The following ARHGEF26 variants were observed in gnomAD, a reference collection of about 807,000 sequenced individuals.
ARHGEF26 encodes the protein Rho guanine nucleotide exchange factor (GEF) 26.
ARHGEF26 carries 59 observed loss-of-function variants against 89.4 expected under a neutral mutation model. That is an observed-to-expected ratio of 0.66 (90% CI 0.54 to 0.82). The LOEUF is 0.82. Ranked by LOEUF, ARHGEF26 falls within the 40% of genes least tolerant of loss-of-function variation. The pLI, the probability that ARHGEF26 is intolerant of heterozygous loss-of-function variation, is 0.00. For missense variants in ARHGEF26, 1,234 were observed against 1,085.6 expected (o/e 1.14, Z -1.92); for synonymous variants, 500 against 428.4 (o/e 1.17, Z -2.06).
chr3:154,137,359 G>T (rs985393146), intron 4 of ARHGEF26, among the ~76,000 whole-genome samples: 11 of 152,086 alleles, frequency 7.2e-5, no homozygotes, highest in African/African-American at 2.7e-4. Flanking sequence ...TGTCCCCACC[G>T]GCAAGAAGGC....
At chr3:154,129,745 T>A (rs372771888) in intron 4 of ARHGEF26, 26 bp downstream of exon 4, 16 of 1,582,442 alleles carry the variant, frequency 1.0e-5, no homozygotes, top group East Asian at 2.2e-5. Flanking sequence ...CTTTTCTATC[T>A]GTGGTAGGAA....
At chr3:154,184,426 A>C (rs1713391372) in intron 6 of ARHGEF26, among the ~76,000 whole-genome samples, 1 of 152,308 alleles carries the variant, frequency 6.6e-6, no homozygotes, top group Admixed American at 6.5e-5. Context: ...ATTTTCACAG[A>C]TGTGTATTTT....
At chr3:154,172,479 G>A (rs1712512584) in intron 6 of ARHGEF26, among the ~76,000 whole-genome samples, 1 of 152,220 alleles carries the variant, frequency 6.6e-6, no homozygotes, top group African/African-American at 2.4e-5. Flanking sequence ...TGGATTGCTT[G>A]AGGCCAGTAG....
chr3:154,122,078 T>C lies in ARHGEF26; in HGVS notation c.86T>C (p.Val29Ala), dbSNP rs200926651. Residue 29 changes from valine to alanine, a missense_variant, in exon 2 of 15, where the codon GTT (valine) becomes GCT (alanine). Coordinates refer to ENST00000465093, the MANE Select transcript of ARHGEF26 (RefSeq NM_015595.4). ...CGGTCGATTCCTCAGCCCCACCAGG[T>C]TCTGGGCCGGAGCAAGCCGAGGCCC... ...RRRSIPQPHQVLGRSKPRPQS... is the reference protein window; with the variant it reads ...RRRSIPQPHQALGRSKPRPQS... The C allele has an allele frequency of 6.2e-7, 1 of 1,612,306 alleles. No homozygotes were observed.
rs1181295543 is a variant in ARHGEF26 at position 154,240,477 on chromosome 3, T to C, written c.2198T>C (p.Met733Thr). The C allele has an allele frequency of 6.2e-7, 1 of 1,613,340 alleles. No homozygotes were observed. Among genetic ancestry groups the C allele is most frequent in the South Asian group, 1.1e-5 (1 of 90,944 alleles). The change falls in exon 12 of 15, where the codon ATG becomes ACG. Residue 733 changes from methionine (M) to threonine (T), a missense_variant. By Grantham distance (81) the Met-to-Thr change is moderately conservative. Transcript: ENST00000465093. ...NSSPGKNSST[M>T]LYSRQSSASH... ...TCTCCAGGGAAGAACAGCTCCACAA[T>C]GCTCTATTCAAGACAGAGCTCTGCC...
intron 10 of ARHGEF26, among the ~76,000 whole-genome samples, chr3:154,218,913 G>A (rs1451202655): frequency 6.6e-6 from 1 of 152,154 alleles, no homozygotes; most frequent in African/African-American, 2.4e-5. Context: ...CAGGACTAAG[G>A]TCTAGATGTC....
chr3:154,132,550 A>G (rs1718743082), intron 4 of ARHGEF26, among the ~76,000 whole-genome samples: 1 of 152,160 alleles, frequency 6.6e-6, no homozygotes, highest in African/African-American at 2.4e-5. Flanking sequence ...AGTTGTATTT[A>G]GGACCCTAAC....
intron 9 of ARHGEF26, among the ~76,000 whole-genome samples, chr3:154,206,775 A>G (rs368176354): frequency 5.3e-5 from 8 of 152,206 alleles, no homozygotes; most frequent in East Asian, 1.9e-4. Context: ...TAAAATTCCT[A>G]TGGAACAAAC....
chr3:154,141,929 A>G (rs1719409112), intron 4 of ARHGEF26, among the ~76,000 whole-genome samples: 1 of 152,166 alleles, frequency 6.6e-6, no homozygotes, highest in Non-Finnish European at 1.5e-5. Flanking sequence ...TTTGTTTTCC[A>G]CTGCACTGTA....
At chr3:154,197,707 T>C (rs1464860392) in intron 9 of ARHGEF26, among the ~76,000 whole-genome samples, 1 of 152,156 alleles carries the variant, frequency 6.6e-6, no homozygotes, top group Non-Finnish European at 1.5e-5. Context: ...CTTACTGACC[T>C]AATCAAACAA....
chr3:154,145,660 T>C (rs1719657757), intron 4 of ARHGEF26, among the ~76,000 whole-genome samples: 1 of 152,166 alleles, frequency 6.6e-6, no homozygotes, highest in South Asian at 2.1e-4. Context: ...TATCGAGTCA[T>C]GGAGGGTCTG....
At chr3:154,137,474 A>G (rs142023112) in intron 4 of ARHGEF26, among the ~76,000 whole-genome samples, 1 of 152,266 alleles carries the variant, frequency 6.6e-6, no homozygotes, top group East Asian at 1.9e-4. Flanking sequence ...ATTCTGTTGT[A>G]AGCACCCCAA....
chr3:154,240,333 T>C (rs768245571), intron 11 of ARHGEF26, 37 bp from the exon 12 acceptor site: 1 of 1,506,270 alleles, frequency 6.6e-7, no homozygotes, highest in East Asian at 2.3e-5. Context: ...TCTTATCTGC[T>C]GAATAATTGA....
At chr3:154,211,000 A>G (rs1381320000) in intron 9 of ARHGEF26, among the ~76,000 whole-genome samples, 2 of 151,542 alleles carry the variant, frequency 1.3e-5, no homozygotes, top group Non-Finnish European at 2.9e-5. Context: ...GCCTCACAAC[A>G]GTGAGCATTA....
intron 9 of ARHGEF26, among the ~76,000 whole-genome samples, chr3:154,208,792 G>C (rs950297295): frequency 7.3e-6 from 1 of 137,116 alleles, no homozygotes; most frequent in African/African-American, 2.8e-5. Flanking sequence ...TTGAGATGGA[G>C]TCTCACTCTA....
chr3:154,195,666 G>A (rs2108196695), intron 9 of ARHGEF26, among the ~76,000 whole-genome samples: 1 of 152,314 alleles, frequency 6.6e-6, no homozygotes, highest in Admixed American at 6.5e-5. Context: ...GAGTGGATAA[G>A]TTCCATTTGG....
At chr3:154,239,864 C>T (rs1211961621) in intron 11 of ARHGEF26, among the ~76,000 whole-genome samples, 2 of 151,928 alleles carry the variant, frequency 1.3e-5, no homozygotes, top group East Asian at 3.9e-4. Context: ...TGGTGAGGCT[C>T]TGAGTGTGGG....
At chr3:154,193,163 G>C (rs981891875) in intron 8 of ARHGEF26, among the ~76,000 whole-genome samples, 1 of 152,128 alleles carries the variant, frequency 6.6e-6, no homozygotes, top group African/African-American at 2.4e-5. Context: ...AAGGATGCCT[G>C]CTCTCAGGGA....
chr3:154,174,850 GA>G (rs1264988273), intron 6 of ARHGEF26, among the ~76,000 whole-genome samples: 1 of 151,732 alleles, frequency 6.6e-6, no homozygotes, highest in Non-Finnish European at 1.5e-5. Context: ...AAATAGTTAA[GA>G]AATTTGAGTT....
Sources: gnomAD v4.1 joint callset for allele counts (sites outside exome capture counted in the v4.1 genomes callset) on GRCh38, gnomAD v4.1.1 for gene constraint, MANE v1.5 for transcripts, NCBI Gene and HGNC (gene_info 2026-07-23, HGNC 2026-07-21) for gene names.